MANBA: variants seen among roughly 807,000 people sequenced by gnomAD.
MANBA encodes the protein beta-mannosidase.
In MANBA, 83 loss-of-function variants were observed where a neutral mutation model predicts 111.1. The ratio of observed to expected loss-of-function variants is 0.75; its 90% CI spans 0.63 to 0.90. MANBA has a LOEUF of 0.90. Among genes scored for constraint, MANBA ranks in the 40% least tolerant of loss-of-function variants. The probability of loss-of-function intolerance (pLI) is 0.00; values close to 1 mark genes in which losing one functional copy is unlikely to be tolerated. For missense variants in MANBA, 1,036 were observed against 1,069.0 expected (o/e 0.97, Z 0.43); for synonymous variants, 370 against 378.7 (o/e 0.98, Z 0.27).
rs555657225 is a variant in MANBA, at chr4:102,719,379, G to A, written c.549+3492C>T. ...CTTCCCTTCTTCCCTGAAAATCGCC[G>A]TTATTCTGTTCTTTTTCAGGGTGCA... On this transcript the variant is annotated intron_variant, in intron 4 of 16. Coordinates refer to ENST00000647097, the MANE Select transcript of MANBA (RefSeq NM_005908.4). Among the ~76,000 whole-genome samples, 21 of 152,194 alleles carry A rather than the reference G, an allele frequency of 1.4e-4. No individual in the cohort carries two copies. In the East Asian group the frequency reaches 2.7e-3, roughly 20 times the overall value.
chr4:102,631,106 TTGTGTG>T lies in MANBA; in HGVS notation c.*945_*950del, dbSNP rs71934469. The T allele has an allele frequency of 0.1, 7,270 of 72,966 alleles. 206 individuals carry two copies. Among genetic ancestry groups the T allele is most frequent in the East Asian group, 0.13 (281 of 2,240 alleles). 4.5% of individuals were successfully genotyped at this position (72,966 alleles called of 1,614,324 possible). On this transcript the variant is annotated 3_prime_UTR_variant, in exon 17 of 17. Coordinates refer to ENST00000647097, the MANE Select transcript of MANBA (RefSeq NM_005908.4). ...GTCCCCTTATCCCCTTGATAAGGCTTTGTGTGTGTGTGTGTGTGTGTGTGTGTGTGT... is the reference window on the plus strand; with the variant it reads ...GTCCCCTTATCCCCTTGATAAGGCTTTGTGTGTGTGTGTGTGTGTGTGTGT...
chr4:102,717,786 G>C (rs559015840), intron 4 of MANBA, among the ~76,000 whole-genome samples: 2 of 152,332 alleles, frequency 1.3e-5, no homozygotes, highest in African/African-American at 4.8e-5. Context: ...AGAACAATGG[G>C]AAGAGGCAGG....
chr4:102,697,604 G>A (rs1215395788), intron 5 of MANBA, among the ~76,000 whole-genome samples: 15 of 145,740 alleles, frequency 1.0e-4, no homozygotes, highest in South Asian at 4.4e-4. Flanking sequence ...GAGAATATGC[G>A]GTGTTTGGTT....
In MANBA at chr4:102,689,571, TA is replaced by T; in HGVS notation, c.960+2del. ...CACAAAATATTTTAAATTACTTACT[TA>T]CCTTAGCTGATTTTTCAATATTTAA... is the stretch of plus-strand genomic sequence containing the variant. On this transcript the variant is annotated splice_donor_variant, in intron 7 of 16. Transcript: ENST00000647097. LOFTEE classifies it high-confidence loss of function. 6.6e-7 allele frequency: 1 copy of T among 1,509,138 alleles called. No homozygotes were observed. Among genetic ancestry groups the T allele is most frequent in the Non-Finnish European group, 9.2e-7 (1 of 1,088,398 alleles). 93.5% of individuals were successfully genotyped at this position (1,509,138 alleles called of 1,614,324 possible).
chr4:102,674,119 A>C, intron 7 of MANBA, 49 bp from the exon 8 acceptor site: 1 of 1,443,082 alleles, frequency 6.9e-7, no homozygotes, highest in East Asian at 2.3e-5. Context: ...AACATAAGCA[A>C]AATAGTTTTT....
intron 13 of MANBA, among the ~76,000 whole-genome samples, chr4:102,642,054 G>A (rs1274126308): frequency 6.6e-6 from 1 of 151,874 alleles, no homozygotes; most frequent in Non-Finnish European, 1.5e-5. Flanking sequence ...TACCAGTCAA[G>A]GCTAATGAAT....
intron 14 of MANBA, 135 bp downstream of exon 14, chr4:102,639,578 G>A: frequency 1.7e-6 from 2 of 1,210,652 alleles, no homozygotes; most frequent in Non-Finnish European, 2.4e-6. Context: ...TTCCTAGGCA[G>A]GCTTTTTAAA....
intron 5 of MANBA, among the ~76,000 whole-genome samples, chr4:102,700,056 G>A (rs1248400956): frequency 2.1e-4 from 31 of 149,966 alleles, no homozygotes; most frequent in Admixed American, 2.0e-3. Context: ...GGTCTATTCA[G>A]AGATTCAACT....
chr4:102,743,332 G>A (rs1723476114), intron 1 of MANBA, among the ~76,000 whole-genome samples: 1 of 152,172 alleles, frequency 6.6e-6, no homozygotes, highest in South Asian at 2.1e-4. Flanking sequence ...TTCTTTCCAT[G>A]TAAAGTGCAC....
rs1463702355 is a variant in MANBA at position 102,698,399 on chromosome 4, G to A, written c.674-7628C>T. On this transcript the variant is annotated intron_variant, in intron 5 of 16. Coordinates refer to ENST00000647097, the MANE Select transcript of MANBA (RefSeq NM_005908.4). The stretch of plus-strand genomic sequence containing the variant: ...GTCAATTTTGGCTTTTGTTGCCATT[G>A]CTTTTGGTGTTTTAGACATGAAGTC... Among the ~76,000 whole-genome samples, 7 of 150,228 alleles carry A rather than the reference G, an allele frequency of 4.7e-5. No homozygotes were observed. The South Asian group carries it at 8.5e-4, about 18-fold the overall frequency.
intron 8 of MANBA, chr4:102,671,858 A>G (rs934386338): frequency 3.0e-5 from 13 of 428,766 alleles, no homozygotes; most frequent in African/African-American, 2.5e-4. Context: ...TCCAATTCCT[A>G]TTCACATTAC....
chr4:102,686,477 C>T (rs1378063667), intron 7 of MANBA, among the ~76,000 whole-genome samples: 3 of 152,160 alleles, frequency 2.0e-5, no homozygotes, highest in African/African-American at 7.2e-5. Context: ...TCCAATCAGA[C>T]GCTTTCAGAA....
intron 1 of MANBA, chr4:102,729,492 C>T: frequency 9.6e-7 from 1 of 1,041,486 alleles, no homozygotes; most frequent in Non-Finnish European, 1.5e-6. Flanking sequence ...CCTCTTCATA[C>T]AGCTGCTTGA....
At chr4:102,668,422 G>A (rs539437839) in intron 10 of MANBA, 1 of 160,230 alleles carries the variant, frequency 6.2e-6, no homozygotes, top group East Asian at 1.8e-4. Context: ...ACAACGTTGG[G>A]CATTATTTCT....
In MANBA at chr4:102,635,843, G is replaced by A. The variant is rs1383071910; in HGVS notation, c.2157+22C>T. On this transcript the variant is annotated intron_variant, in intron 15 of 16. Transcript: ENST00000647097. ...CATCTAAAAGTCTCCTTCGATCTTA[G>A]AAAACAATCCAAGTAACTTACACTG... 8 of 1,605,246 alleles carry A rather than the reference G, an allele frequency of 5.0e-6. No individual in the cohort carries two copies. In the Admixed American group the frequency reaches 1.3e-4, roughly 27 times the overall value.
chr4:102,650,209 ACT>A, intron 13 of MANBA, among the ~76,000 whole-genome samples: 1 of 152,132 alleles, frequency 6.6e-6, no homozygotes, highest in South Asian at 2.1e-4. Context: ...CTGTTTCTGG[ACT>A]CTATTGTGTT....
chr4:102,686,478 G>A (rs227284), intron 7 of MANBA, among the ~76,000 whole-genome samples: 91,527 of 151,948 alleles, frequency 0.6, 28,468 homozygotes, highest in South Asian at 0.79. Flanking sequence ...CCAATCAGAC[G>A]CTTTCAGAAG....
chr4:102,667,944 G>A (rs1261524916), intron 10 of MANBA: 1 of 152,148 alleles, frequency 6.6e-6, no homozygotes, highest in African/African-American at 2.4e-5. Context: ...CTGGTGCAGT[G>A]ATCATTTCCA....
At chr4:102,737,938 C>G (rs1723278835) in intron 1 of MANBA, among the ~76,000 whole-genome samples, 1 of 152,190 alleles carries the variant, frequency 6.6e-6, no homozygotes, top group Admixed American at 6.5e-5. Flanking sequence ...GACCCTAACC[C>G]TGTCCTCACC....
Sources: gnomAD v4.1 joint callset for allele counts (sites outside exome capture counted in the v4.1 genomes callset) on GRCh38, gnomAD v4.1.1 for gene constraint, MANE v1.5 for transcripts, NCBI Gene and HGNC (gene_info 2026-07-23, HGNC 2026-07-21) for gene names.